The following GALNT13 variants were observed in gnomAD, a reference collection of about 807,000 sequenced individuals.
GALNT13 encodes the protein polypeptide N-acetylgalactosaminyltransferase 13.
A neutral mutation model predicts 64.2 loss-of-function variants in GALNT13; 28 were observed. The observed-to-expected ratio is 0.44, with a 90% CI of 0.32 to 0.60. The LOEUF (loss-of-function observed/expected upper bound fraction) is 0.60, where lower values mean the gene tolerates loss of function less well. Ranked by LOEUF, GALNT13 falls within the 20% of genes least tolerant of loss-of-function variation. GALNT13 has a pLI of 0.05. For missense variants in GALNT13, 577 were observed against 669.8 expected, an observed-to-expected ratio of 0.86 and a Z score of 1.53; for synonymous variants, 214 against 224.6, an observed-to-expected ratio of 0.95 and a Z score of 0.42.
chr2:154,136,445 T>C (rs1682954168), intron 3 of GALNT13, among the ~76,000 whole-genome samples: 1 of 152,114 alleles, frequency 6.6e-6, no homozygotes, highest in Non-Finnish European at 1.5e-5. Flanking sequence ...TTCTCTTTTT[T>C]CAAAGAGACA....
At chr2:153,737,203 G>A in the GALNT13 span, among the ~76,000 whole-genome samples, 1 of 152,166 alleles carries the variant, frequency 6.6e-6, no homozygotes, top group Non-Finnish European at 1.5e-5. Context: ...AAGGGTAATA[G>A]GAAGAAAGAG....
intron 4 of GALNT13, among the ~76,000 whole-genome samples, chr2:154,212,150 T>C (rs1687807892): frequency 1.3e-5 from 2 of 152,238 alleles, no homozygotes; most frequent in Admixed American, 6.5e-5. Context: ...ACAGGAAGTG[T>C]AGGCAACTTT....
chr2:154,089,353 C>T (rs977990346), intron 3 of GALNT13, among the ~76,000 whole-genome samples: 3 of 152,020 alleles, frequency 2.0e-5, no homozygotes, highest in Non-Finnish European at 2.9e-5. Context: ...TGAAACTTTC[C>T]TCTTATAGCA....
the GALNT13 span, among the ~76,000 whole-genome samples, chr2:153,602,313 G>A: frequency 1.3e-5 from 2 of 151,616 alleles, no homozygotes; most frequent in Non-Finnish European, 2.9e-5. Flanking sequence ...CTGCTTTCAC[G>A]GTGTCTGTGA....
At position 154,087,269 on chromosome 2, in the gene GALNT13, C is replaced by T. The variant is rs1046538482; in HGVS notation, c.143-53068C>T. 4.0e-5 allele frequency among the ~76,000 whole-genome samples: 6 copies of T among 151,658 alleles called. No individual in the cohort carries two copies. In the South Asian group the frequency reaches 1.0e-3, roughly 26 times the overall value. On this transcript the variant is annotated intron_variant, in intron 3 of 12. Transcript: ENST00000392825. ...TAGATTACTTGAGCAGATATGAAATCAATAAGACCTTAGGTAAACAGTATG... is the reference window on the plus strand; with the variant it reads ...TAGATTACTTGAGCAGATATGAAATTAATAAGACCTTAGGTAAACAGTATG...
the GALNT13 span, among the ~76,000 whole-genome samples, chr2:153,505,215 C>T: frequency 6.6e-6 from 1 of 152,108 alleles, no homozygotes; most frequent in African/African-American, 2.4e-5. Context: ...TCTGTGGTAT[C>T]AGTATATCCC....
At chr2:153,834,945 A>G in the GALNT13 span, among the ~76,000 whole-genome samples, 3 of 152,124 alleles carry the variant, frequency 2.0e-5, no homozygotes, top group Admixed American at 1.3e-4. Context: ...ACCATGAAGT[A>G]TGAGTAAGCA....
chr2:153,692,227 A>G, the GALNT13 span, among the ~76,000 whole-genome samples: 1 of 152,180 alleles, frequency 6.6e-6, no homozygotes, highest in Non-Finnish European at 1.5e-5. Context: ...GGTAGTGACT[A>G]GAAGGGATCG....
chr2:153,930,487 A>C (rs557152513), intron 2 of GALNT13, among the ~76,000 whole-genome samples: 6 of 152,166 alleles, frequency 3.9e-5, no homozygotes, highest in Non-Finnish European at 7.4e-5. Context: ...TCTATAGTCC[A>C]TCTTGAGTTG....
the GALNT13 span, among the ~76,000 whole-genome samples, chr2:153,338,135 T>TA: frequency 6.6e-6 from 1 of 151,380 alleles, no homozygotes; most frequent in South Asian, 2.1e-4. Flanking sequence ...CTACAAACAA[T>TA]AAAAAAAATT....
At chr2:153,301,328 A>AAAAAAGAAAAAAAG in the GALNT13 span, among the ~76,000 whole-genome samples, 1 of 150,742 alleles carries the variant, frequency 6.6e-6, no homozygotes, top group Non-Finnish European at 1.5e-5. Context: ...AGAAAAAAAA[A>AAAAAAGAAAAAAAG]AAGAGTCTGC....
chr2:153,267,425 A>G, the GALNT13 span, among the ~76,000 whole-genome samples: 2 of 152,108 alleles, frequency 1.3e-5, no homozygotes, highest in African/African-American at 4.8e-5. Flanking sequence ...ATCTAGGTGG[A>G]GGTTTCCAAA....
chr2:154,218,451 G>A (rs1400294241), intron 4 of GALNT13, among the ~76,000 whole-genome samples: 1 of 151,998 alleles, frequency 6.6e-6, no homozygotes, highest in Non-Finnish European at 1.5e-5. Flanking sequence ...TCCAGATGTT[G>A]TACTATTCCT....
chr2:154,016,245 T>C (rs1696996725), intron 3 of GALNT13, among the ~76,000 whole-genome samples: 1 of 152,180 alleles, frequency 6.6e-6, no homozygotes. Flanking sequence ...CACAAAGTGA[T>C]CAAAATAGAG....
the GALNT13 span, among the ~76,000 whole-genome samples, chr2:153,327,132 A>C: frequency 6.6e-6 from 1 of 151,734 alleles, no homozygotes; most frequent in African/African-American, 2.4e-5. Context: ...ATTGGCCCTC[A>C]CTCTCTTTTG....
chr2:153,454,535 A>G, the GALNT13 span, among the ~76,000 whole-genome samples: 11 of 152,176 alleles, frequency 7.2e-5, no homozygotes, highest in Non-Finnish European at 1.5e-4. Context: ...TATTTCCCCT[A>G]TGAAAACCAG....
chr2:153,470,168 G>T, the GALNT13 span, among the ~76,000 whole-genome samples: 1 of 152,056 alleles, frequency 6.6e-6, no homozygotes. Flanking sequence ...CTGTCTCTAG[G>T]CTTTGGATCC....
chr2:153,617,904 C>T, the GALNT13 span, among the ~76,000 whole-genome samples: 1 of 151,692 alleles, frequency 6.6e-6, no homozygotes, highest in East Asian at 1.9e-4. Flanking sequence ...TGTAATGTCT[C>T]CTTTTTCATC....
the GALNT13 span, among the ~76,000 whole-genome samples, chr2:153,340,759 T>G: frequency 6.6e-6 from 1 of 151,954 alleles, no homozygotes; most frequent in East Asian, 1.9e-4. Flanking sequence ...AGATCTAGTT[T>G]GTTGAGAGTT....
Sources: gnomAD v4.1 joint callset for allele counts (sites outside exome capture counted in the v4.1 genomes callset) on GRCh38, gnomAD v4.1.1 for gene constraint, MANE v1.5 for transcripts, NCBI Gene and HGNC (gene_info 2026-07-23, HGNC 2026-07-21) for gene names.